DYRK1A: variants seen among roughly 807,000 people sequenced by gnomAD.
DYRK1A encodes the protein dual specificity tyrosine phosphorylation regulated kinase 1A, also known as dual specificity tyrosine-phosphorylation-regulated kinase 1A.
A neutral mutation model predicts 79.7 loss-of-function variants in DYRK1A; 9 were observed. The observed-to-expected ratio is 0.11, with a 90% CI of 0.07 to 0.20. The LOEUF (loss-of-function observed/expected upper bound fraction) is 0.20. DYRK1A is among the 10% of genes least tolerant of loss of function. The probability of loss-of-function intolerance (pLI) is 1.00; values close to 1 mark genes in which losing one functional copy is unlikely to be tolerated. For missense variants in DYRK1A, 622 were observed against 956.0 expected (o/e 0.65, Z 4.61); for synonymous variants, 349 against 329.7 (o/e 1.06, Z -0.63).
upstream of DYRK1A, chr21:37,366,299 C>A (rs1202548555): frequency 2.1e-5 from 3 of 146,310 alleles, no homozygotes; most frequent in Non-Finnish European, 3.0e-5. Flanking sequence ...CCCCTCCCCC[C>A]GGCGCGGGCG....
intron 9 of DYRK1A, among the ~76,000 whole-genome samples, chr21:37,496,708 A>G (rs547232251): frequency 6.8e-4 from 103 of 150,500 alleles, no homozygotes; most frequent in African/African-American, 2.3e-3. Flanking sequence ...CTTAAGTAGT[A>G]TGTGATTTTT....
In DYRK1A at chr21:37,493,209, T is replaced by C. The variant is rs768318314; in HGVS notation, c.1071+46T>C. The C allele has an allele frequency of 2.1e-5, 32 of 1,553,664 alleles. No individual in the cohort carries two copies. The South Asian group carries it at 3.4e-4, about 17-fold the overall frequency. The stretch of plus-strand genomic sequence containing the variant: ...CAAATTCTGTTTTCATAATTTCTTT[T>C]TGTCTTTCATCTGTGACAGTGTAAT... On this transcript the variant is annotated intron_variant, in intron 8 of 11. Coordinates refer to ENST00000647188, the MANE Select transcript of DYRK1A (RefSeq NM_001347721.2).
chr21:37,470,003 G>A (rs554690697), intron 2 of DYRK1A, among the ~76,000 whole-genome samples: 1 of 152,158 alleles, frequency 6.6e-6, no homozygotes, highest in South Asian at 2.1e-4. Flanking sequence ...AAATTAGCCA[G>A]CGTGGTGGTG....
rs370090236 is a variant in DYRK1A at position 37,512,140 on chromosome 21, A to G, written c.1874A>G (p.Asn625Ser). 53 of 1,614,042 alleles carry G rather than the reference A, an allele frequency of 3.3e-5. No homozygotes were observed. Among genetic ancestry groups the G allele is most frequent in the African/African-American group, 2.9e-4 (22 of 74,922 alleles). The part of the protein sequence containing the change: ...LGNRTRPRVY[N>S]SPTNSSSTQD... ...AACCGGACCAGGCCAAGGGTCTACA[A>G]TTCTCCAACGAATAGCTCCTCTACC... Residue 625 changes from asparagine (N) to serine (S), a missense_variant, in exon 12 of 12, where the codon AAT becomes AGT. By Grantham distance (46) the Asn-to-Ser change is conservative. Transcript: ENST00000647188.
At chr21:37,366,196 T>C (rs921557639), upstream of DYRK1A, 5 of 150,562 alleles carry the variant, frequency 3.3e-5, no homozygotes, top group Non-Finnish European at 5.9e-5. Flanking sequence ...GTGAGAGCCC[T>C]CCAGGCCCGG....
chr21:37,475,627 C>G (rs1217449587), intron 3 of DYRK1A, among the ~76,000 whole-genome samples: 2 of 152,168 alleles, frequency 1.3e-5, no homozygotes, highest in African/African-American at 4.8e-5. Context: ...TTGTTTGAAG[C>G]ATGAAATATA....
intron 1 of DYRK1A, among the ~76,000 whole-genome samples, chr21:37,393,387 A>C (rs866921396): frequency 1.3e-5 from 2 of 152,150 alleles, no homozygotes; most frequent in Admixed American, 6.5e-5. Flanking sequence ...TTTTTACCGG[A>C]GTTTAATAAA....
At position 37,472,890 on chromosome 21, in the gene DYRK1A, T is replaced by C; in HGVS notation, c.207+10T>C. 1 of 1,522,846 alleles carries C rather than the reference T, an allele frequency of 6.6e-7. No individual in the cohort carries two copies. Among genetic ancestry groups the C allele is most frequent in the Admixed American group, 1.8e-5 (1 of 54,202 alleles). The allele number at this position is 1,522,846 out of a possible 1,614,324, so 94.3% of individuals were successfully genotyped here. On this transcript the variant is annotated intron_variant, in intron 3 of 11. Coordinates refer to ENST00000647188, the MANE Select transcript of DYRK1A (RefSeq NM_001347721.2). ...ACCTCTAACTAACCAGGTAAGTTCATGGAGTATCAGAAATGACTATTGGAA... is the reference window on the plus strand; with the variant it reads ...ACCTCTAACTAACCAGGTAAGTTCACGGAGTATCAGAAATGACTATTGGAA...
intron 2 of DYRK1A, among the ~76,000 whole-genome samples, chr21:37,441,015 T>A (rs753627556): frequency 8.5e-5 from 13 of 152,160 alleles, no homozygotes; most frequent in Non-Finnish European, 1.9e-4. Context: ...TCTCTTAATA[T>A]AATTGTGTCT....
intron 2 of DYRK1A, among the ~76,000 whole-genome samples, chr21:37,467,239 C>A (rs2052061396): frequency 1.3e-5 from 2 of 152,204 alleles, no homozygotes; most frequent in East Asian, 3.9e-4. Context: ...AATGGAAAAT[C>A]TTTTTTTGTT....
chr21:37,476,405 CA>C (rs1163704422), intron 3 of DYRK1A, among the ~76,000 whole-genome samples: 2 of 152,284 alleles, frequency 1.3e-5, no homozygotes, highest in East Asian at 3.9e-4. Flanking sequence ...TTGACTCTAC[CA>C]ATGACTTATA....
At chr21:37,381,477 A>G (rs984680026) in intron 1 of DYRK1A, among the ~76,000 whole-genome samples, 16 of 152,212 alleles carry the variant, frequency 1.1e-4, no homozygotes, top group Non-Finnish European at 2.1e-4. Context: ...AAATGGGGAC[A>G]GTCCTTAGTG....
chr21:37,458,477 C>G (rs1381521730), intron 2 of DYRK1A, among the ~76,000 whole-genome samples: 1 of 151,964 alleles, frequency 6.6e-6, no homozygotes, highest in Non-Finnish European at 1.5e-5. Flanking sequence ...TTTCCTGTCC[C>G]CTGGCAACTC....
intron 8 of DYRK1A, among the ~76,000 whole-genome samples, chr21:37,494,518 A>C (rs1309033775): frequency 6.6e-6 from 1 of 150,552 alleles, no homozygotes; most frequent in Non-Finnish European, 1.5e-5. Context: ...CTCTTTTCTG[A>C]GATACTCCTT....
At chr21:37,466,104 A>G (rs2052016919) in intron 2 of DYRK1A, among the ~76,000 whole-genome samples, 1 of 152,198 alleles carries the variant, frequency 6.6e-6, no homozygotes, top group Non-Finnish European at 1.5e-5. Flanking sequence ...AATCAAGGGA[A>G]CTACCTGTTT....
chr21:37,491,281 T>C (rs1360593337), intron 7 of DYRK1A, among the ~76,000 whole-genome samples: 1 of 152,184 alleles, frequency 6.6e-6, no homozygotes, highest in Non-Finnish European at 1.5e-5. Context: ...GTTTTATGTA[T>C]AAAATAGAAG....
chr21:37,456,544 C>T lies in DYRK1A; in HGVS notation c.11-16140C>T, dbSNP rs149800816. ...AGCAGGGTGCTGTTTCCTAACCCTGCGTCTTTTTCCCCTCTGAGATCAGTT... is the reference window on the plus strand; with the variant it reads ...AGCAGGGTGCTGTTTCCTAACCCTGTGTCTTTTTCCCCTCTGAGATCAGTT... On this transcript the variant is annotated intron_variant, in intron 2 of 11. Transcript: ENST00000647188. 4.2e-3 allele frequency among the ~76,000 whole-genome samples: 632 copies of T among 152,242 alleles called. 7 individuals carry two copies. The highest frequency in any genetic ancestry group is 0.013 in the African/African-American group (545 of 41,518).
chr21:37,451,958 G>A (rs1041912193), intron 2 of DYRK1A, among the ~76,000 whole-genome samples: 3 of 152,124 alleles, frequency 2.0e-5, no homozygotes, highest in Non-Finnish European at 4.4e-5. Flanking sequence ...AGTTGCTGAA[G>A]AGAAGAGCGA....
chr21:37,391,686 CAA>C lies in DYRK1A; in HGVS notation c.-77+24060_-77+24061del, dbSNP rs549287324. ...GATTCTCCTTTGTATGGAATGAAGA[CAA>C]ATTTATTAAACTATTCAGATTCTCT... On this transcript the variant is annotated intron_variant, in intron 1 of 11. Transcript: ENST00000647188. Among the ~76,000 whole-genome samples the C allele has an allele frequency of 8.9e-4, 136 of 152,298 alleles. 4 individuals are homozygous for C. Among genetic ancestry groups the C allele is most frequent in the Admixed American group, 8.9e-3 (136 of 15,306 alleles).
Sources: gnomAD v4.1 joint callset for allele counts (sites outside exome capture counted in the v4.1 genomes callset) on GRCh38, gnomAD v4.1.1 for gene constraint, MANE v1.5 for transcripts, NCBI Gene and HGNC (gene_info 2026-07-23, HGNC 2026-07-21) for gene names.